ANKIB1: variants seen among roughly 807,000 people sequenced by gnomAD.
ANKIB1 encodes ankyrin repeat and IBR domain-containing protein 1.
In ANKIB1, 43 loss-of-function variants were observed where a neutral mutation model predicts 122.1. The ratio of observed to expected loss-of-function variants is 0.35; its 90% CI spans 0.28 to 0.45. ANKIB1 has a LOEUF of 0.45. ANKIB1 is among the 20% of genes least tolerant of loss of function. The pLI is 1.00. For synonymous variants in ANKIB1, 390 were observed against 442.0 expected (o/e 0.88, Z 1.48); for missense variants, 992 against 1,329.5 (o/e 0.75, Z 3.95).
chr7:92,335,837 T>C (rs970774825), intron 5 of ANKIB1, among the ~76,000 whole-genome samples: 12 of 152,044 alleles, frequency 7.9e-5, no homozygotes, highest in Non-Finnish European at 1.6e-4. Context: ...CTTTATTTTT[T>C]GTTCTCTGTT....
At chr7:92,283,761 A>G (rs1802057090) in intron 1 of ANKIB1, among the ~76,000 whole-genome samples, 1 of 152,066 alleles carries the variant, frequency 6.6e-6, no homozygotes, top group South Asian at 2.1e-4. Flanking sequence ...TACAGTGTTT[A>G]TATTTTATTT....
chr7:92,384,245 C>A (rs781173210), intron 11 of ANKIB1, among the ~76,000 whole-genome samples: 4 of 152,128 alleles, frequency 2.6e-5, no homozygotes, highest in Non-Finnish European at 5.9e-5. Context: ...AGGACACAGA[C>A]AAATGGAAGA....
Position 92,255,883 on chromosome 7 carries a change from A to G in ANKIB1, c.-91+9364A>G, listed in dbSNP as rs369968075. On this transcript the variant is annotated intron_variant, in intron 1 of 19. Transcript: ENST00000265742. ...ATGTTCAATAAGTAATACTTATTCA[A>G]GGTGTTCTGTGTGCCAGTAACTATG... Among the ~76,000 whole-genome samples the G allele has an allele frequency of 3.9e-5, 6 of 152,318 alleles. 1 individual carries two copies. Among genetic ancestry groups the G allele is most frequent in the African/African-American group, 2.4e-5 (1 of 41,584 alleles).
chr7:92,310,997 G>A (rs1802680959), intron 3 of ANKIB1, among the ~76,000 whole-genome samples: 1 of 152,128 alleles, frequency 6.6e-6, no homozygotes. Context: ...CTACTTTGAT[G>A]AACGGGAAAG....
chr7:92,289,778 G>A (rs1802209252), intron 1 of ANKIB1, among the ~76,000 whole-genome samples: 1 of 152,120 alleles, frequency 6.6e-6, no homozygotes, highest in Non-Finnish European at 1.5e-5. Flanking sequence ...CATGCTTTTT[G>A]TCCACTGACT....
intron 2 of ANKIB1, among the ~76,000 whole-genome samples, chr7:92,295,508 A>G (rs370537976): frequency 4.6e-5 from 7 of 152,176 alleles, no homozygotes; most frequent in Admixed American, 2.0e-4. Flanking sequence ...AATTCTTGAT[A>G]ATAATGTATT....
At chr7:92,304,620 T>TA (rs1322446123) in intron 2 of ANKIB1, among the ~76,000 whole-genome samples, 1 of 152,158 alleles carries the variant, frequency 6.6e-6, no homozygotes, top group Non-Finnish European at 1.5e-5. Flanking sequence ...ATTTACAGAA[T>TA]CAGATAGCTT....
chr7:92,287,470 A>G lies in ANKIB1; in HGVS notation c.-90-7419A>G, dbSNP rs116167364. 3.4e-3 allele frequency among the ~76,000 whole-genome samples: 513 copies of G among 152,338 alleles called. 4 individuals carry two copies. Among genetic ancestry groups the G allele is most frequent in the African/African-American group, 0.012 (488 of 41,582 alleles). On this transcript the variant is annotated intron_variant, in intron 1 of 19. Transcript: ENST00000265742. ...ATATAAATTTTTTCACAAGAGTACT[A>G]CAGAACTTATGTGCCTTTTTTAGTG...
chr7:92,260,425 C>T (rs1170668149), intron 1 of ANKIB1, among the ~76,000 whole-genome samples: 1 of 152,148 alleles, frequency 6.6e-6, no homozygotes, highest in Non-Finnish European at 1.5e-5. Flanking sequence ...CACCTGTAAT[C>T]CCAACACTTT....
At chr7:92,370,591 T>C (rs1443721324) in intron 10 of ANKIB1, among the ~76,000 whole-genome samples, 2 of 150,160 alleles carry the variant, frequency 1.3e-5, no homozygotes, top group African/African-American at 2.4e-5. Context: ...ATATTTCTTA[T>C]ATTTCAAAAC....
chr7:92,356,335 A>G (rs1162941079), intron 9 of ANKIB1, among the ~76,000 whole-genome samples: 1 of 152,206 alleles, frequency 6.6e-6, no homozygotes, highest in Admixed American at 6.5e-5. Context: ...AGCTCTAGTT[A>G]TGGAAAAATA....
chr7:92,281,617 G>A (rs1802013449), intron 1 of ANKIB1, among the ~76,000 whole-genome samples: 1 of 152,176 alleles, frequency 6.6e-6, no homozygotes, highest in African/African-American at 2.4e-5. Context: ...TCCTAGGAGT[G>A]AAATAGTTTT....
chr7:92,364,839 T>C (rs1458381236), intron 10 of ANKIB1, among the ~76,000 whole-genome samples: 1 of 152,152 alleles, frequency 6.6e-6, no homozygotes, highest in Non-Finnish European at 1.5e-5. Context: ...AGACTAAAGG[T>C]AGGACGGTGA....
intron 11 of ANKIB1, among the ~76,000 whole-genome samples, chr7:92,374,271 G>A (rs1185574521): frequency 6.6e-6 from 1 of 152,204 alleles, no homozygotes; most frequent in African/African-American, 2.4e-5. Flanking sequence ...GAGGACAGGA[G>A]TTTGAGACCA....
At chr7:92,299,400 A>C (rs967512848) in intron 2 of ANKIB1, among the ~76,000 whole-genome samples, 2 of 152,264 alleles carry the variant, frequency 1.3e-5, no homozygotes. Flanking sequence ...TTAATGTAAC[A>C]GTACAAAAAG....
At position 92,246,181 on chromosome 7, in the gene ANKIB1, C is replaced by G; in HGVS notation, c.-429C>G. 2 of 354,350 alleles carry G rather than the reference C, an allele frequency of 5.6e-6. No individual in the cohort carries two copies. The highest frequency in any genetic ancestry group is 1.1e-5 in the Non-Finnish European group (2 of 188,292). 22.0% of individuals were successfully genotyped at this position (354,350 alleles called of 1,614,324 possible). ...CTGGAACATGAGCCGGGCTTGACCG[C>G]GAGGCGGAGGCAAGAGCCACCGCCC... is the stretch of plus-strand genomic sequence containing the variant. On this transcript the variant is annotated 5_prime_UTR_variant, in exon 1 of 20. Coordinates refer to ENST00000265742, the MANE Select transcript of ANKIB1 (RefSeq NM_019004.2).
chr7:92,376,242 G>A (rs1412733296), intron 11 of ANKIB1, among the ~76,000 whole-genome samples: 3 of 152,104 alleles, frequency 2.0e-5, no homozygotes, highest in African/African-American at 7.2e-5. Context: ...CCCATTCTTC[G>A]AAGCTTTGGA....
At chr7:92,378,185 T>G (rs1804428291) in intron 11 of ANKIB1, among the ~76,000 whole-genome samples, 1 of 152,130 alleles carries the variant, frequency 6.6e-6, no homozygotes, top group Non-Finnish European at 1.5e-5. Context: ...ATTTTAAGGA[T>G]TGCTGATCTG....
intron 3 of ANKIB1, among the ~76,000 whole-genome samples, chr7:92,316,779 C>T (rs1354945522): frequency 6.6e-6 from 1 of 152,166 alleles, no homozygotes; most frequent in Admixed American, 6.6e-5. Flanking sequence ...CTGGCATATC[C>T]TTTTAATAAG....
Sources: allele counts gnomAD v4.1 joint callset (sites outside exome capture counted in the v4.1 genomes callset), GRCh38; gene constraint gnomAD v4.1.1; transcripts MANE v1.5; gene names NCBI Gene and HGNC (gene_info 2026-07-23, HGNC 2026-07-21).